The following RABGAP1L variants were observed in gnomAD, a reference collection of about 807,000 sequenced individuals.
RABGAP1L encodes RAB GTPase activating protein 1 like, also known as rab GTPase-activating protein 1-like.
A neutral mutation model predicts 137.7 loss-of-function variants in RABGAP1L; 63 were observed. That is an observed-to-expected ratio of 0.46 (90% CI 0.37 to 0.56). The LOEUF (loss-of-function observed/expected upper bound fraction) is 0.56, where lower values mean the gene tolerates loss of function less well. Among genes scored for constraint, RABGAP1L ranks in the 20% least tolerant of loss-of-function variants. The pLI is 0.00. For missense variants in RABGAP1L, 1,095 were observed against 1,244.0 expected (o/e 0.88, Z 1.80); for synonymous variants, 431 against 433.7 (o/e 0.99, Z 0.08).
intron 17 of RABGAP1L, among the ~76,000 whole-genome samples, chr1:174,736,474 G>A (rs1682953480): frequency 6.6e-6 from 1 of 152,206 alleles, no homozygotes; most frequent in Non-Finnish European, 1.5e-5. Flanking sequence ...TGGAATGCCT[G>A]TGGCTTTTCC....
intron 1 of RABGAP1L, among the ~76,000 whole-genome samples, chr1:174,201,947 C>T (rs1410060192): frequency 1.3e-5 from 2 of 151,932 alleles, no homozygotes; most frequent in Non-Finnish European, 2.9e-5. Context: ...TGATGGTTTC[C>T]AGCTTCATCC....
At chr1:174,313,648 C>G (rs1463836929) in intron 11 of RABGAP1L, among the ~76,000 whole-genome samples, 1 of 152,118 alleles carries the variant, frequency 6.6e-6, no homozygotes, top group Non-Finnish European at 1.5e-5. Context: ...AGCTGTTGGT[C>G]TGTCATATAT....
intron 13 of RABGAP1L, among the ~76,000 whole-genome samples, chr1:174,485,599 T>G (rs1423700276): frequency 6.6e-6 from 1 of 152,216 alleles, no homozygotes; most frequent in East Asian, 1.9e-4. Context: ...GAAATGATTA[T>G]ATGGTTTGTG....
chr1:174,339,153 G>T (rs1462611215), intron 11 of RABGAP1L, among the ~76,000 whole-genome samples: 1 of 152,098 alleles, frequency 6.6e-6, no homozygotes, highest in Non-Finnish European at 1.5e-5. Context: ...TACATGGATA[G>T]TATTTATAAT....
chr1:174,682,050 G>C (rs1334978033), intron 14 of RABGAP1L, among the ~76,000 whole-genome samples: 1 of 152,110 alleles, frequency 6.6e-6, no homozygotes, highest in Non-Finnish European at 1.5e-5. Context: ...GGAGGCTGAG[G>C]TGAGAGGAAC....
intron 17 of RABGAP1L, among the ~76,000 whole-genome samples, chr1:174,712,208 AAG>A (rs1337557703): frequency 6.6e-6 from 1 of 152,202 alleles, no homozygotes; most frequent in African/African-American, 2.4e-5. Flanking sequence ...GGGGCCAGAT[AAG>A]AGAATAAAAG....
chr1:174,231,422 G>A, intron 4 of RABGAP1L, 67 bp downstream of exon 4: 3 of 1,383,516 alleles, frequency 2.2e-6, no homozygotes, highest in Non-Finnish European at 3.1e-6. Context: ...AGATGTTATA[G>A]CATCATCAGG....
chr1:174,779,797 C>T (rs1479904820), intron 18 of RABGAP1L, among the ~76,000 whole-genome samples: 1 of 151,964 alleles, frequency 6.6e-6, no homozygotes, highest in African/African-American at 2.4e-5. Flanking sequence ...ATACAAAAGC[C>T]CCATATTTCC....
At chr1:174,226,194 A>G (rs1670163065) in intron 3 of RABGAP1L, among the ~76,000 whole-genome samples, 1 of 152,198 alleles carries the variant, frequency 6.6e-6, no homozygotes, top group Non-Finnish European at 1.5e-5. Context: ...ATGATGAGAA[A>G]AATGGAAAAC....
chr1:174,275,609 G>A (rs998786054), intron 8 of RABGAP1L, among the ~76,000 whole-genome samples: 5 of 151,826 alleles, frequency 3.3e-5, no homozygotes, highest in African/African-American at 1.2e-4. Context: ...TTTATCCAAG[G>A]GTACATGTCT....
intron 12 of RABGAP1L, among the ~76,000 whole-genome samples, chr1:174,384,645 G>T (rs1686588083): frequency 6.6e-6 from 1 of 151,858 alleles, no homozygotes; most frequent in Non-Finnish European, 1.5e-5. Flanking sequence ...TCTTTATTTT[G>T]TAATATTTAT....
At chr1:174,530,819 A>C (rs1558312754) in intron 13 of RABGAP1L, among the ~76,000 whole-genome samples, 1 of 140,358 alleles carries the variant, frequency 7.1e-6, no homozygotes, top group African/African-American at 2.6e-5. Flanking sequence ...ACATACATAC[A>C]TACATACATA....
intron 13 of RABGAP1L, among the ~76,000 whole-genome samples, chr1:174,539,681 C>T (rs1665200858): frequency 6.6e-6 from 1 of 152,294 alleles, no homozygotes; most frequent in East Asian, 1.9e-4. Context: ...TTTTCTTAAT[C>T]CAGTCTATCA....
intron 13 of RABGAP1L, among the ~76,000 whole-genome samples, chr1:174,623,253 T>C (rs1412372905): frequency 3.3e-5 from 5 of 152,204 alleles, no homozygotes; most frequent in Non-Finnish European, 7.3e-5. Context: ...AGAGAAAATT[T>C]ACTCGTGAGA....
chr1:174,766,106 G>A (rs572584759), intron 18 of RABGAP1L, among the ~76,000 whole-genome samples: 4 of 152,258 alleles, frequency 2.6e-5, no homozygotes, highest in African/African-American at 9.6e-5. Context: ...AGACATGTAT[G>A]GAGAGAAGAT....
rs1553330343 is a variant in RABGAP1L at position 174,551,021 on chromosome 1, T to TATATATATATAC, written c.1711-86353_1711-86352insTATATATATACA. Among the ~76,000 whole-genome samples the TATATATATATAC allele has an allele frequency of 9.0e-4, 110 of 122,788 alleles. 3 individuals are homozygous for TATATATATATAC. Among genetic ancestry groups the TATATATATATAC allele is most frequent in the African/African-American group, 3.7e-3 (96 of 26,196 alleles). The allele number at this position is 122,788 out of a possible 152,430, so 80.6% of individuals were successfully genotyped here. ...ACACATATATATATATATATATATA[T>TATATATATATAC]ACATACACACACACACATATATATA... On this transcript the variant is annotated intron_variant, in intron 13 of 25. Transcript: ENST00000681986.
intron 17 of RABGAP1L, among the ~76,000 whole-genome samples, chr1:174,746,426 A>G (rs982075090): frequency 6.6e-6 from 1 of 152,212 alleles, no homozygotes; most frequent in Non-Finnish European, 1.5e-5. Flanking sequence ...TCCCACAGCA[A>G]GTTGGGTTTT....
At chr1:174,737,849 G>A (rs777640768) in intron 17 of RABGAP1L, among the ~76,000 whole-genome samples, 2 of 152,144 alleles carry the variant, frequency 1.3e-5, no homozygotes, top group South Asian at 2.1e-4. Context: ...TGGAAAGAGC[G>A]GGACCAAGAG....
At chr1:174,726,520 C>T (rs1392196263) in intron 17 of RABGAP1L, among the ~76,000 whole-genome samples, 1 of 151,542 alleles carries the variant, frequency 6.6e-6, no homozygotes, top group East Asian at 1.9e-4. Flanking sequence ...TCCTGGTGGT[C>T]TAATTGCTAG....
Sources: gnomAD v4.1 joint callset for allele counts (sites outside exome capture counted in the v4.1 genomes callset) on GRCh38, gnomAD v4.1.1 for gene constraint, MANE v1.5 for transcripts, NCBI Gene and HGNC (gene_info 2026-07-23, HGNC 2026-07-21) for gene names.